TAAR5: variants seen among roughly 807,000 people sequenced by gnomAD.
TAAR5 encodes the protein trace amine-associated receptor 5.
A neutral mutation model predicts 21.1 loss-of-function variants in TAAR5; 27 were observed. That is an observed-to-expected ratio of 1.28 (90% CI 0.94 to 1.76). The LOEUF (loss-of-function observed/expected upper bound fraction) is 1.76. Among genes scored for constraint, TAAR5 ranks in the 40% most tolerant of loss-of-function variants. TAAR5 has a pLI of 0.00. For missense variants in TAAR5, 495 were observed against 405.6 expected (o/e 1.22, Z -1.89); for synonymous variants, 203 against 167.5 (o/e 1.21, Z -1.64).
chr6:132,602,524 C>T, the TAAR5 span, among the ~76,000 whole-genome samples: 3 of 152,050 alleles, frequency 2.0e-5, no homozygotes, highest in Non-Finnish European at 4.4e-5. Context: ...GGCCGTAATG[C>T]GAGCAATGGG....
chr6:132,589,766 A>AAG, upstream of TAAR5: 1 of 967,128 alleles, frequency 1.0e-6, no homozygotes, highest in East Asian at 3.1e-5. Flanking sequence ...AAAAAAAAAA[A>AAG]AAAAAAAAAA....
At chr6:132,592,803 C>T (rs1776925614), upstream of TAAR5, among the ~76,000 whole-genome samples, 1 of 152,154 alleles carries the variant, frequency 6.6e-6, no homozygotes, top group African/African-American at 2.4e-5. Flanking sequence ...AGCCAGTTAA[C>T]TTCTTATTTA....
the TAAR5 span, among the ~76,000 whole-genome samples, chr6:132,612,398 C>T: frequency 2.2e-3 from 335 of 152,254 alleles, 1 homozygote; most frequent in African/African-American, 7.9e-3. Flanking sequence ...AATGAATGGA[C>T]TCGTTTCAGG....
At chr6:132,590,982 A>G (rs375248348), upstream of TAAR5, among the ~76,000 whole-genome samples, 13 of 152,166 alleles carry the variant, frequency 8.5e-5, no homozygotes, top group African/African-American at 3.1e-4. Flanking sequence ...TGGTTCATGA[A>G]GGGGTGGTTT....
chr6:132,589,110 G>C lies in TAAR5; in HGVS notation c.577C>G (p.Gln193Glu). The C allele has an allele frequency of 6.2e-7, 1 of 1,613,726 alleles. No homozygotes were observed. The highest frequency in any genetic ancestry group is 8.5e-7 in the Non-Finnish European group (1 of 1,179,796). Reference sequence around the variant, plus strand: ...CCCCAAAATTTATTGAGCAGCAGCTGGCAACTGCCCACACAAGGCATCTCT... The same window carrying C: ...CCCCAAAATTTATTGAGCAGCAGCTCGCAACTGCCCACACAAGGCATCTCT... ...LEEMPCVGSC[Q>E]LLLNKFWGWL... is the part of the protein sequence containing the mutation. The change falls in exon 1 of 1, where the codon CAG becomes GAG. Residue 193 changes from glutamine to glutamate, a missense_variant. By Grantham distance (29) the Gln-to-Glu change is conservative. Transcript: ENST00000258034.
At chr6:132,604,398 C>T in the TAAR5 span, among the ~76,000 whole-genome samples, 1 of 152,048 alleles carries the variant, frequency 6.6e-6, no homozygotes, top group African/African-American at 2.4e-5. Context: ...CTGTCTCAGC[C>T]TCCCAAAATG....
the TAAR5 span, among the ~76,000 whole-genome samples, chr6:132,595,698 G>T: frequency 2.1e-3 from 314 of 152,274 alleles, 3 homozygotes; most frequent in East Asian, 0.041. Flanking sequence ...CTGAGAGTCT[G>T]CATGCAGGTG....
At chr6:132,591,761 T>C (rs1436278678), upstream of TAAR5, among the ~76,000 whole-genome samples, 1 of 152,208 alleles carries the variant, frequency 6.6e-6, no homozygotes, top group African/African-American at 2.4e-5. Flanking sequence ...GGTTTTCTGT[T>C]CTGGGATAGA....
At chr6:132,596,465 A>T in the TAAR5 span, among the ~76,000 whole-genome samples, 1 of 152,178 alleles carries the variant, frequency 6.6e-6, no homozygotes, top group Non-Finnish European at 1.5e-5. Flanking sequence ...AAATGAACCC[A>T]CAAGCACATC....
chr6:132,608,827 A>C, the TAAR5 span: 1 of 456,006 alleles, frequency 2.2e-6, no homozygotes, highest in South Asian at 1.5e-5. Flanking sequence ...AAATGCCAGC[A>C]GTTGCTTTAT....
At chr6:132,590,857 T>C (rs1266985087), upstream of TAAR5, among the ~76,000 whole-genome samples, 2 of 152,238 alleles carry the variant, frequency 1.3e-5, no homozygotes, top group East Asian at 1.9e-4. Context: ...ATGGCTGCTA[T>C]ATATTTTCTA....
rs1370505432 is a variant in TAAR5, at chr6:132,588,648, C to T, written c.*25G>A. 1.9e-6 allele frequency: 3 copies of T among 1,588,734 alleles called. No homozygotes were observed. Among genetic ancestry groups the T allele is most frequent in the Non-Finnish European group, 2.6e-6 (3 of 1,166,066 alleles). On this transcript the variant is annotated 3_prime_UTR_variant, in exon 1 of 1. Transcript: ENST00000258034. ...CTTATCTTTCCTGTGAGGTCCTACTCCTTGCCTGCATTTAGTAGAAGGAAT... is the reference window on the plus strand; with the variant it reads ...CTTATCTTTCCTGTGAGGTCCTACTTCTTGCCTGCATTTAGTAGAAGGAAT...
In TAAR5 at chr6:132,589,064, A is replaced by G; in HGVS notation, c.623T>C (p.Phe208Ser). 1.2e-6 allele frequency: 2 copies of G among 1,614,120 alleles called. No homozygotes were observed. The highest frequency in any genetic ancestry group is 1.7e-6 in the Non-Finnish European group (2 of 1,179,994). Reference sequence around the variant, plus strand: ...GATCATAATGAGGCAGGGGACAAAGAACAAAGGGAAGTTTAACCAGCCCCA... The same window carrying G: ...GATCATAATGAGGCAGGGGACAAAGGACAAAGGGAAGTTTAACCAGCCCCA... Reference protein sequence around the residue: ...KFWGWLNFPLFFVPCLIMISL... With the variant: ...KFWGWLNFPLSFVPCLIMISL... The change falls in exon 1 of 1, where the codon TTC (phenylalanine) becomes TCC (serine). Residue 208 changes from phenylalanine to serine, a missense_variant. Physicochemically the swap from Phe to Ser is radical, Grantham distance 155. Coordinates refer to ENST00000258034, the MANE Select transcript of TAAR5 (RefSeq NM_003967.3).
At chr6:132,612,254 G>C in the TAAR5 span, among the ~76,000 whole-genome samples, 1 of 152,242 alleles carries the variant, frequency 6.6e-6, no homozygotes, top group South Asian at 2.1e-4. Context: ...CTAAGTTAAG[G>C]CTTCTAGTAT....
At chr6:132,592,339 G>A (rs984637300), upstream of TAAR5, among the ~76,000 whole-genome samples, 2 of 152,234 alleles carry the variant, frequency 1.3e-5, no homozygotes, top group Non-Finnish European at 2.9e-5. Context: ...TATGAAGCCA[G>A]ATGGAAGTGT....
At chr6:132,615,952 T>C in the TAAR5 span, among the ~76,000 whole-genome samples, 6,530 of 151,696 alleles carry the variant, frequency 0.043, 251 homozygotes, top group African/African-American at 0.092. Context: ...AGGCTATACT[T>C]AGCCTCGGTG....
chr6:132,604,357 G>T, the TAAR5 span, among the ~76,000 whole-genome samples: 1 of 151,812 alleles, frequency 6.6e-6, no homozygotes, highest in Admixed American at 6.6e-5. Flanking sequence ...TGGCCAAGAC[G>T]GTCTTGATCT....
the TAAR5 span, among the ~76,000 whole-genome samples, chr6:132,604,668 G>A: frequency 9.7e-4 from 147 of 152,168 alleles, no homozygotes; most frequent in Admixed American, 2.0e-3. Context: ...AATTGAGTAC[G>A]TACAAAACTT....
At chr6:132,607,775 T>C in the TAAR5 span, among the ~76,000 whole-genome samples, 1 of 152,178 alleles carries the variant, frequency 6.6e-6, no homozygotes, top group African/African-American at 2.4e-5. Flanking sequence ...AAACATATGA[T>C]AAGGCAGGCC....
Sources: allele counts gnomAD v4.1 joint callset (sites outside exome capture counted in the v4.1 genomes callset), GRCh38; gene constraint gnomAD v4.1.1; transcripts MANE v1.5; gene names NCBI Gene and HGNC (gene_info 2026-07-23, HGNC 2026-07-21).